FHIT: variants seen among roughly 807,000 people sequenced by gnomAD.
The protein encoded by FHIT is bis(5'-adenosyl)-triphosphatase.
In FHIT, 19 loss-of-function variants were observed where a neutral mutation model predicts 17.9. The observed-to-expected ratio is 1.06, with a 90% CI of 0.74 to 1.56. The LOEUF (loss-of-function observed/expected upper bound fraction) is 1.56. Ranked by LOEUF, FHIT falls within the 40% of genes most tolerant of loss-of-function variation. The pLI, the probability that FHIT is intolerant of heterozygous loss-of-function variation, is 0.00. For missense variants in FHIT, 248 were observed against 189.2 expected, an observed-to-expected ratio of 1.31 and a Z score of -1.82; for synonymous variants, 81 against 69.7, an observed-to-expected ratio of 1.16 and a Z score of -0.81.
intron 4 of FHIT, among the ~76,000 whole-genome samples, chr3:60,683,668 T>C (rs2040801935): frequency 1.3e-5 from 2 of 152,204 alleles, no homozygotes; most frequent in Non-Finnish European, 2.9e-5. Context: ...GAAGTGAACA[T>C]GCAGTATCTC....
At chr3:60,368,226 T>G (rs1700190797) in intron 5 of FHIT, among the ~76,000 whole-genome samples, 1 of 150,728 alleles carries the variant, frequency 6.6e-6, no homozygotes, top group Admixed American at 6.6e-5. Flanking sequence ...ACTGAGGAAC[T>G]GTTTTCCAAA....
At chr3:59,764,884 AC>A (rs1701716085) in intron 8 of FHIT, among the ~76,000 whole-genome samples, 1 of 21,580 alleles carries the variant, frequency 4.6e-5, no homozygotes, top group Non-Finnish European at 1.5e-4. Context: ...ACACACACAC[AC>A]ACACACACAC....
rs1170383044 is a variant in FHIT, at chr3:60,842,645, A to ATTTTT, written c.-110-20639_-110-20635dup. The stretch of plus-strand genomic sequence containing the variant: ...TATATGAGTGTATATATATATATAT[A>ATTTTT]TTTTTTTTTTTTTTTTTTTCCCTTG... On this transcript the variant is annotated intron_variant, in intron 3 of 9. Coordinates refer to ENST00000492590, the MANE Select transcript of FHIT (RefSeq NM_002012.4). Among the ~76,000 whole-genome samples, 55 of 94,572 alleles carry ATTTTT rather than the reference A, an allele frequency of 5.8e-4. 1 individual carries two copies. The highest frequency in any genetic ancestry group is 2.2e-3 in the African/African-American group (53 of 24,222). The allele number at this position is 94,572 out of a possible 152,430, so 62.0% of individuals were successfully genotyped here.
intron 5 of FHIT, among the ~76,000 whole-genome samples, chr3:60,116,276 A>T (rs1704957425): frequency 6.6e-6 from 1 of 152,192 alleles, no homozygotes; most frequent in Non-Finnish European, 1.5e-5. Flanking sequence ...ATTATATTGT[A>T]GTTGAAAGCC....
At chr3:60,729,906 A>C (rs1577128490) in intron 4 of FHIT, 1 of 158,214 alleles carries the variant, frequency 6.3e-6, no homozygotes. Context: ...GTTTTCTTCC[A>C]ATTTCTATTA....
At chr3:59,830,656 A>C (rs1026053309) in intron 8 of FHIT, among the ~76,000 whole-genome samples, 2 of 152,226 alleles carry the variant, frequency 1.3e-5, no homozygotes, top group African/African-American at 4.8e-5. Context: ...CATTCAATGC[A>C]ATATCATAAT....
chr3:60,388,781 A>G (rs1278585702), intron 5 of FHIT, among the ~76,000 whole-genome samples: 1 of 152,182 alleles, frequency 6.6e-6, no homozygotes, highest in African/African-American at 2.4e-5. Context: ...TTGTGTTCCA[A>G]GTTTCCATGC....
chr3:60,538,377 T>C (rs2036063316), intron 4 of FHIT, among the ~76,000 whole-genome samples: 1 of 152,210 alleles, frequency 6.6e-6, no homozygotes, highest in Admixed American at 6.5e-5. Flanking sequence ...AGGTAATTTA[T>C]AGATTCAATG....
chr3:60,401,857 T>G (rs1393877161), intron 5 of FHIT, among the ~76,000 whole-genome samples: 1 of 152,186 alleles, frequency 6.6e-6, no homozygotes, highest in Non-Finnish European at 1.5e-5. Context: ...TCTTGCAGAT[T>G]GGTCCTTACA....
chr3:60,095,931 T>C (rs1041275479), intron 5 of FHIT, among the ~76,000 whole-genome samples: 1 of 152,158 alleles, frequency 6.6e-6, no homozygotes, highest in African/African-American at 2.4e-5. Flanking sequence ...GGGCTGTGTA[T>C]ATTCTTCCAC....
chr3:60,771,762 A>C (rs1700049832), intron 4 of FHIT, among the ~76,000 whole-genome samples: 1 of 152,242 alleles, frequency 6.6e-6, no homozygotes, highest in Admixed American at 6.5e-5. Flanking sequence ...ATGTCAAAGC[A>C]AACTTAGTTT....
chr3:61,058,525 C>T (rs891858884), intron 2 of FHIT, among the ~76,000 whole-genome samples: 1 of 152,104 alleles, frequency 6.6e-6, no homozygotes, highest in African/African-American at 2.4e-5. Flanking sequence ...CAGACTTCCT[C>T]CTTGCTGTTC....
intron 5 of FHIT, among the ~76,000 whole-genome samples, chr3:60,201,668 G>C (rs919630648): frequency 6.6e-6 from 1 of 152,070 alleles, no homozygotes; most frequent in Non-Finnish European, 1.5e-5. Context: ...GCCTACATGG[G>C]ATTTATTATA....
rs564002731 is a variant in FHIT, at chr3:60,543,311, C to G, written c.-17-6332G>C. ...TATCTTGTTAATGTCTAAAGAAAAA[C>G]AGAGATCCTCTTTCTGTATTTATTA... On this transcript the variant is annotated intron_variant, in intron 4 of 9. Coordinates refer to ENST00000492590, the MANE Select transcript of FHIT (RefSeq NM_002012.4). Among the ~76,000 whole-genome samples the G allele has an allele frequency of 3.9e-5, 6 of 152,214 alleles. No individual in the cohort carries two copies. In the South Asian group the frequency reaches 1.2e-3, roughly 32 times the overall value.
intron 5 of FHIT, among the ~76,000 whole-genome samples, chr3:60,505,291 T>C (rs1312733887): frequency 3.3e-5 from 5 of 152,196 alleles, no homozygotes; most frequent in Non-Finnish European, 7.3e-5. Context: ...GTCTCATTTA[T>C]ATTGGGACTT....
At chr3:59,814,943 A>G (rs975014094) in intron 8 of FHIT, among the ~76,000 whole-genome samples, 1 of 152,226 alleles carries the variant, frequency 6.6e-6, no homozygotes, top group Non-Finnish European at 1.5e-5. Flanking sequence ...CTTAACAGTC[A>G]TGAGTACACA....
chr3:60,034,505 T>A (rs191007562), intron 5 of FHIT, among the ~76,000 whole-genome samples: 1 of 152,354 alleles, frequency 6.6e-6, no homozygotes. Context: ...GAGGGGAACA[T>A]CTTCCCTAGG....
At chr3:60,734,029 C>T (rs1430755821) in intron 4 of FHIT, among the ~76,000 whole-genome samples, 3 of 152,102 alleles carry the variant, frequency 2.0e-5, no homozygotes, top group East Asian at 1.9e-4. Context: ...AAGAAGAATC[C>T]GTCTGTTGGT....
chr3:60,856,639 G>C (rs1189693187), intron 3 of FHIT: 1 of 152,074 alleles, frequency 6.6e-6, no homozygotes, highest in Non-Finnish European at 1.5e-5. Flanking sequence ...AATATTTCCT[G>C]TTCCCACTCT....
Sources: gnomAD v4.1 joint callset for allele counts (sites outside exome capture counted in the v4.1 genomes callset) on GRCh38, gnomAD v4.1.1 for gene constraint, MANE v1.5 for transcripts, NCBI Gene and HGNC (gene_info 2026-07-23, HGNC 2026-07-21) for gene names.